The following CPSF3 variants were observed in gnomAD, a reference collection of about 807,000 sequenced individuals.
CPSF3 encodes cleavage and polyadenylation specificity factor subunit 3.
In CPSF3, 57 loss-of-function variants were observed where a neutral mutation model predicts 84.1. The ratio of observed to expected loss-of-function variants is 0.68; its 90% CI spans 0.55 to 0.85. The LOEUF (loss-of-function observed/expected upper bound fraction) is 0.85, where lower values mean the gene tolerates loss of function less well. Among genes scored for constraint, CPSF3 ranks in the 40% least tolerant of loss-of-function variants. The pLI, the probability that CPSF3 is intolerant of heterozygous loss-of-function variation, is 0.00. For synonymous variants in CPSF3, 275 were observed against 278.1 expected, an observed-to-expected ratio of 0.99 and a Z score of 0.11; for missense variants, 522 against 838.8, an observed-to-expected ratio of 0.62 and a Z score of 4.66.
At chr2:9,466,159 G>A (rs1221471877) in intron 15 of CPSF3, among the ~76,000 whole-genome samples, 1 of 151,840 alleles carries the variant, frequency 6.6e-6, no homozygotes, top group Non-Finnish European at 1.5e-5. Flanking sequence ...TGGGCAACAT[G>A]CTAAAACCCT....
Position 9,443,678 on chromosome 2 carries a change from C to G in CPSF3, c.1242+17C>G, listed in dbSNP as rs1410153775. ...CCTCATGTGGTTAGTCTATGAATTT[C>G]ATTTATTGTATTAAAGGGAAAAAAA... On this transcript the variant is annotated intron_variant, in intron 10 of 17. Transcript: ENST00000238112. 1 of 1,609,936 alleles carries G rather than the reference C, an allele frequency of 6.2e-7. No homozygotes were observed. Among genetic ancestry groups the G allele is most frequent in the East Asian group, 2.2e-5 (1 of 44,866 alleles).
intron 15 of CPSF3, among the ~76,000 whole-genome samples, chr2:9,459,891 G>A (rs1431661125): frequency 4.6e-5 from 7 of 151,548 alleles, no homozygotes; most frequent in Admixed American, 2.0e-4. Context: ...CTCGTGATCC[G>A]CCCGCCTCAG....
chr2:9,431,427 T>A (rs1250571771), intron 4 of CPSF3, among the ~76,000 whole-genome samples: 2 of 152,096 alleles, frequency 1.3e-5, no homozygotes, highest in Non-Finnish European at 2.9e-5. Context: ...TGCTTAATTG[T>A]GGTAACACTC....
chr2:9,433,766 C>CT (rs1680677027), intron 5 of CPSF3, 105 bp from the exon 6 acceptor site: 1 of 745,288 alleles, frequency 1.3e-6, no homozygotes, highest in African/African-American at 1.8e-5. Context: ...CAGTTTTAGA[C>CT]TTAAAAACTG....
intron 16 of CPSF3, among the ~76,000 whole-genome samples, chr2:9,468,342 T>G (rs1682044906): frequency 6.6e-6 from 1 of 152,146 alleles, no homozygotes. Flanking sequence ...GCAATCCGCC[T>G]CAGCCTCCCA....
chr2:9,466,342 G>GACCC (rs56758438), intron 15 of CPSF3, among the ~76,000 whole-genome samples: 7 of 89,082 alleles, frequency 7.9e-5, no homozygotes, highest in Non-Finnish European at 1.4e-4. Context: ...ACGCACACAC[G>GACCC]CGCGCGCGCG....
intron 15 of CPSF3, among the ~76,000 whole-genome samples, chr2:9,466,049 C>T (rs1681897700): frequency 6.6e-6 from 1 of 152,132 alleles, no homozygotes; most frequent in African/African-American, 2.4e-5. Flanking sequence ...AAAACATTTA[C>T]ATCACACCAG....
intron 10 of CPSF3, among the ~76,000 whole-genome samples, chr2:9,443,990 A>G (rs1201539036): frequency 3.3e-5 from 5 of 152,034 alleles, no homozygotes; most frequent in East Asian, 1.9e-4. Context: ...CTTACTTACT[A>G]TGTAACCCTT....
chr2:9,450,220 C>T (rs529463459), intron 11 of CPSF3, among the ~76,000 whole-genome samples: 10 of 149,964 alleles, frequency 6.7e-5, no homozygotes, highest in South Asian at 4.3e-4. Flanking sequence ...GGTGCCATCT[C>T]GGCTCACTGC....
chr2:9,450,400 G>A (rs1165897755), intron 11 of CPSF3, among the ~76,000 whole-genome samples: 4 of 149,654 alleles, frequency 2.7e-5, no homozygotes, highest in Admixed American at 1.3e-4. Context: ...AATGATCCAC[G>A]TGCCTTGGCC....
intron 1 of CPSF3, among the ~76,000 whole-genome samples, chr2:9,428,027 C>T (rs578154292): frequency 6.8e-5 from 10 of 147,492 alleles, no homozygotes; most frequent in Middle Eastern, 7.2e-3. Context: ...GGCAGAGTCT[C>T]GCTCTGTTGC....
At chr2:9,437,340 G>T (rs1680819304) in intron 7 of CPSF3, among the ~76,000 whole-genome samples, 1 of 152,040 alleles carries the variant, frequency 6.6e-6, no homozygotes, top group Non-Finnish European at 1.5e-5. Context: ...GGAGGCAGAG[G>T]TTGCAGTGAG....
At chr2:9,464,051 T>C (rs1462649055) in intron 15 of CPSF3, among the ~76,000 whole-genome samples, 1 of 151,268 alleles carries the variant, frequency 6.6e-6, no homozygotes, top group Non-Finnish European at 1.5e-5. Flanking sequence ...ACACAACTTG[T>C]ATTTGTATCT....
At chr2:9,456,627 A>T (rs1345273524) in intron 13 of CPSF3, among the ~76,000 whole-genome samples, 1 of 152,226 alleles carries the variant, frequency 6.6e-6, no homozygotes, top group Non-Finnish European at 1.5e-5. Context: ...TTTATGTTAT[A>T]TGTTAAGATG....
chr2:9,447,912 C>G (rs780992346), intron 10 of CPSF3, among the ~76,000 whole-genome samples: 12 of 152,136 alleles, frequency 7.9e-5, no homozygotes, highest in Non-Finnish European at 1.2e-4. Context: ...AACATAGAAG[C>G]AGTGAAACAT....
At position 9,423,758 on chromosome 2, in the gene CPSF3, C is replaced by G; in HGVS notation, c.-16C>G. 1 of 1,613,380 alleles carries G rather than the reference C, an allele frequency of 6.2e-7. No individual in the cohort carries two copies. Among genetic ancestry groups the G allele is most frequent in the Non-Finnish European group, 8.5e-7 (1 of 1,179,682 alleles). ...CGACCTGTTCCTCACCCCCGCTTCG[C>G]CCTCACACTTTCGGGATGTCTGCGA... is the stretch of plus-strand genomic sequence containing the variant. On this transcript the variant is annotated 5_prime_UTR_variant, in exon 1 of 18. Coordinates refer to ENST00000238112, the MANE Select transcript of CPSF3 (RefSeq NM_016207.4).
chr2:9,459,375 T>C (rs1184183508), intron 14 of CPSF3, among the ~76,000 whole-genome samples, 156 bp from the exon 15 acceptor site: 1 of 152,184 alleles, frequency 6.6e-6, no homozygotes, highest in Non-Finnish European at 1.5e-5. Context: ...TATAGTATTA[T>C]TAATTTCAGT....
chr2:9,450,644 C>T (rs1347190225), intron 11 of CPSF3, among the ~76,000 whole-genome samples: 1 of 152,052 alleles, frequency 6.6e-6, no homozygotes, highest in Non-Finnish European at 1.5e-5. Flanking sequence ...GAAAATTAGC[C>T]AGTCGTGGTT....
intron 15 of CPSF3, among the ~76,000 whole-genome samples, chr2:9,466,438 A>G (rs550322180): frequency 4.9e-4 from 75 of 151,980 alleles, no homozygotes; most frequent in African/African-American, 1.8e-3. Flanking sequence ...ACACGCGCAC[A>G]CACACAAAAT....
Sources: gnomAD v4.1 joint callset for allele counts (sites outside exome capture counted in the v4.1 genomes callset) on GRCh38, gnomAD v4.1.1 for gene constraint, MANE v1.5 for transcripts, NCBI Gene and HGNC (gene_info 2026-07-23, HGNC 2026-07-21) for gene names.